FBF1: variants seen among roughly 807,000 people sequenced by gnomAD.
FBF1 encodes the protein fas-binding factor 1.
Under a neutral mutation model 147.2 loss-of-function variants are expected in FBF1, and 119 were observed. The ratio of observed to expected loss-of-function variants is 0.81; its 90% CI spans 0.70 to 0.94. FBF1 has a LOEUF of 0.94. FBF1 is among the 40% of genes least tolerant of loss of function. The pLI, the probability that FBF1 is intolerant of heterozygous loss-of-function variation, is 0.00. For missense variants in FBF1, 1,449 were observed against 1,500.8 expected, an observed-to-expected ratio of 0.97 and a Z score of 0.57; for synonymous variants, 601 against 609.0, an observed-to-expected ratio of 0.99 and a Z score of 0.19.
At chr17:75,931,044 G>A (rs942113928) in intron 6 of FBF1, among the ~76,000 whole-genome samples, 185 bp downstream of exon 6, 3 of 151,304 alleles carry the variant, frequency 2.0e-5, no homozygotes, top group Admixed American at 6.6e-5. Flanking sequence ...GCAGTGAGCC[G>A]AGATCACACC....
In FBF1 at chr17:75,914,445, G is replaced by A. The variant is rs917858039; in HGVS notation, c.2815-147C>T. On this transcript the variant is annotated intron_variant, in intron 25 of 29. Transcript: ENST00000636174. ...CCAGGGAGAGCCAGAGAAGCCTGGG[G>A]CCAAGCCGGAGTGCTGCCCTCACAA... 52 of 1,282,296 alleles carry A rather than the reference G, an allele frequency of 4.1e-5. No individual in the cohort carries two copies. The Middle Eastern group carries it at 8.1e-4, about 20-fold the overall frequency. The allele number at this position is 1,282,296 out of a possible 1,614,324, so 79.4% of individuals were successfully genotyped here. A position where few individuals can be genotyped will look rare whatever the true frequency, so the allele number is the denominator to read the frequency against.
Position 75,921,522 on chromosome 17 carries a change from G to T in FBF1, c.1565C>A (p.Pro522His). 1 of 1,613,252 alleles carries T rather than the reference G, an allele frequency of 6.2e-7. No individual in the cohort carries two copies. Residue 522 changes from proline to histidine, a missense_variant, in exon 16 of 30, where the codon CCT (proline) becomes CAT (histidine). By Grantham distance (77) the Pro-to-His change is moderately conservative. Transcript: ENST00000636174. ...VTQNHAASAL[P>H]TGSPKRGTAP... is the part of the protein sequence containing the mutation. ...TGTTCCCCTCTTTGGGGAACCTGTA[G>T]GGAGTGCTGAGGCGGCATGGTTCTG...
At chr17:75,937,331 C>T (rs888295040) in intron 3 of FBF1, among the ~76,000 whole-genome samples, 15 of 152,078 alleles carry the variant, frequency 9.9e-5, no homozygotes, top group Admixed American at 1.3e-4. Context: ...CCACCACGCC[C>T]GGCTAATTTT....
Position 75,918,202 on chromosome 17 carries a change from G to C in FBF1, c.2206C>G (p.Arg736Gly). ...QLQRLKLLKD[R>G]EVDAATSATS... is the part of the protein sequence containing the mutation. ...GCACTGGTGGCCGCATCGACCTCTC[G>C]GTCCTTCAGCAGCTTTAGCCGCTGC... is the stretch of plus-strand genomic sequence containing the variant. The change falls in exon 21 of 30, where the codon CGA becomes GGA. Residue 736 changes from arginine (R) to glycine (G), a missense_variant. Physicochemically the swap from Arg to Gly is moderately radical, Grantham distance 125. Transcript: ENST00000636174. This position sits in a 1 kb window ranked among gnomAD's most constrained non-coding sequence, Gnocchi z 5.8. The C allele has an allele frequency of 6.2e-7, 1 of 1,613,324 alleles. No homozygotes were observed. Among genetic ancestry groups the C allele is most frequent in the Non-Finnish European group, 8.5e-7 (1 of 1,179,846 alleles).
Position 75,926,040 on chromosome 17 carries a change from C to G in FBF1, c.858G>C (p.Gln286His). 1.9e-6 allele frequency: 3 copies of G among 1,611,070 alleles called. No individual in the cohort carries two copies. Among genetic ancestry groups the G allele is most frequent in the Non-Finnish European group, 2.5e-6 (3 of 1,179,348 alleles). Residue 286 changes from glutamine to histidine, a missense_variant, in exon 12 of 30, where the codon CAG becomes CAC. Coordinates refer to ENST00000636174, the MANE Select transcript of FBF1 (RefSeq NM_001319193.2). ...HREFKLDKKY[Q>H]RPQDSEDMWG... ...CGCAAGCCTCCTTACCCTGTGGCCTCTGGTACTTCTTGTCTAGCTTGAACT... is the reference window on the plus strand; with the variant it reads ...CGCAAGCCTCCTTACCCTGTGGCCTGTGGTACTTCTTGTCTAGCTTGAACT...
chr17:75,936,446 C>T (rs1489659005), intron 3 of FBF1, among the ~76,000 whole-genome samples: 2 of 152,032 alleles, frequency 1.3e-5, no homozygotes, highest in African/African-American at 4.8e-5. Flanking sequence ...GAGCCGAGAT[C>T]GCGCCACTGC....
At chr17:75,938,568 A>AG (rs2065639519) in intron 1 of FBF1, among the ~76,000 whole-genome samples, 1 of 151,170 alleles carries the variant, frequency 6.6e-6, no homozygotes, top group Non-Finnish European at 1.5e-5. Context: ...AAAAAAAAAA[A>AG]AAAAAAAAAG....
chr17:75,923,604 C>G lies in FBF1; in HGVS notation c.1006G>C (p.Glu336Gln). 1 of 1,610,298 alleles carries G rather than the reference C, an allele frequency of 6.2e-7. No individual in the cohort carries two copies. Among genetic ancestry groups the G allele is most frequent in the Non-Finnish European group, 8.5e-7 (1 of 1,178,710 alleles). The change falls in exon 14 of 30, where the codon GAA becomes CAA. Residue 336 changes from glutamate to glutamine, a missense_variant. Glu to Gln is a conservative substitution (Grantham distance 29). Transcript: ENST00000636174. This position sits in a 1 kb window ranked among gnomAD's most constrained non-coding sequence, Gnocchi z 4.1. ...FADSGADPKG[E>Q]PGSKQSPPMA... is the part of the protein sequence containing the mutation. ...GGAGGGCTCTGTTTGGAGCCTGGTT[C>G]TCCCTTGGGGTCTGCGCCACTGTCT...
chr17:75,919,159 G>A lies in FBF1; in HGVS notation c.2138+509C>T, dbSNP rs544229396. 2.0e-4 allele frequency among the ~76,000 whole-genome samples: 30 copies of A among 152,068 alleles called. No homozygotes were observed. The highest frequency in any genetic ancestry group is 1.3e-4 in the Admixed American group (2 of 15,254). ...TGGCCTCAAGTGATCCTCCCACCTC[G>A]GCCTCCCAAAGTGCTGGGATTACAG... On this transcript the variant is annotated intron_variant, in intron 20 of 29. Coordinates refer to ENST00000636174, the MANE Select transcript of FBF1 (RefSeq NM_001319193.2). This position sits in a 1 kb window ranked among gnomAD's most constrained non-coding sequence, Gnocchi z 5.0.
rs924308766 is a variant in FBF1, at chr17:75,920,082, G to A, written c.1856C>T (p.Ala619Val). 1 of 1,588,222 alleles carries A rather than the reference G, an allele frequency of 6.3e-7. No homozygotes were observed. The highest frequency in any genetic ancestry group is 8.6e-7 in the Non-Finnish European group (1 of 1,168,008). Residue 619 changes from alanine (A) to valine (V), a missense_variant, in exon 19 of 30, where the codon GCC (alanine) becomes GTC (valine). Coordinates refer to ENST00000636174, the MANE Select transcript of FBF1 (RefSeq NM_001319193.2). ...ACTCCCCAGCAGCAGCTCATGCTGG[G>A]CCCGTTCTAGCTCCAGCTTCCGCAC... ...AQVRKLELER[A>V]QHELLLGSLQ...
intron 4 of FBF1, 66 bp from the exon 5 acceptor site, chr17:75,933,154 C>A: frequency 1.6e-6 from 2 of 1,272,338 alleles, no homozygotes; most frequent in Non-Finnish European, 1.1e-6. Flanking sequence ...GATGCAAAGG[C>A]TGGCAAGCTC....
At chr17:75,929,964 C>CCCCCCCTT in intron 7 of FBF1, 33 bp downstream of exon 7, 2 of 1,402,200 alleles carry the variant, frequency 1.4e-6, no homozygotes, top group Non-Finnish European at 2.0e-6. Context: ...CACCCACCCC[C>CCCCCCCTT]AGTTCTAAGA....
At chr17:75,929,964 C>CCCCCCCCAA in intron 7 of FBF1, 33 bp downstream of exon 7, 3 of 1,402,198 alleles carry the variant, frequency 2.1e-6, no homozygotes, top group Non-Finnish European at 2.0e-6. Flanking sequence ...CACCCACCCC[C>CCCCCCCCAA]AGTTCTAAGA....
chr17:75,930,610 T>C (rs910770500), intron 6 of FBF1, among the ~76,000 whole-genome samples: 6 of 151,814 alleles, frequency 4.0e-5, no homozygotes, highest in African/African-American at 1.5e-4. Flanking sequence ...AAATACAAAA[T>C]TACCTACTAA....
Position 75,923,208 on chromosome 17 carries a change from C to T in FBF1, c.1402G>A (p.Ala468Thr), listed in dbSNP as rs771018542. 5.7e-6 allele frequency: 9 copies of T among 1,588,230 alleles called. No homozygotes were observed. Among genetic ancestry groups the T allele is most frequent in the Non-Finnish European group, 7.7e-6 (9 of 1,168,024 alleles). Residue 468 changes from alanine (A) to threonine (T), a missense_variant, in exon 14 of 30, where the codon GCG (alanine) becomes ACG (threonine). Ala to Thr is a moderately conservative substitution (Grantham distance 58, BLOSUM62 0). Coordinates refer to ENST00000636174, the MANE Select transcript of FBF1 (RefSeq NM_001319193.2). The surrounding 1 kb of genome is among the most constrained non-coding windows in gnomAD (Gnocchi z 4.1). Reference protein sequence around the residue: ...TSEGLHLAGTAGHPPSGSQPL... With the variant: ...TSEGLHLAGTTGHPPSGSQPL... ...TACCTGCCAGAAGGGGGATGGCCCG[C>T]TGTCCCCGCCAAATGCAGGCCCTCA...
intron 25 of FBF1, 108 bp from the exon 26 acceptor site, chr17:75,914,406 G>T: frequency 1.4e-6 from 2 of 1,443,342 alleles, no homozygotes; most frequent in Non-Finnish European, 1.8e-6. Context: ...AGGAGGTGGT[G>T]GAGCCAGGGG....
intron 2 of FBF1, 80 bp from the exon 3 acceptor site, chr17:75,937,673 G>A (rs1321791068): frequency 1.7e-5 from 25 of 1,470,102 alleles, no homozygotes; most frequent in East Asian, 4.5e-5. Context: ...AATGAATTGC[G>A]TTGCCTTTTG....
Position 75,935,628 on chromosome 17 carries a change from TTAC to T in FBF1, c.73+1_73+3del, listed in dbSNP as rs2065619760. 10 of 1,536,528 alleles carry T rather than the reference TTAC, an allele frequency of 6.5e-6. No individual in the cohort carries two copies. The highest frequency in any genetic ancestry group is 8.7e-6 in the Non-Finnish European group (10 of 1,146,654). On this transcript the variant is annotated splice_donor_variant and splice_donor_region_variant and intron_variant, in intron 4 of 29. Coordinates refer to ENST00000636174, the MANE Select transcript of FBF1 (RefSeq NM_001319193.2). LOFTEE classifies it high-confidence loss of function. The stretch of plus-strand genomic sequence containing the variant: ...TTAGGGGATTCTGGGCAAGGCACAC[TTAC>T]TATCATCCCCTAGAAGGTCACCAAG...
intron 1 of FBF1, among the ~76,000 whole-genome samples, chr17:75,940,163 G>A (rs906511144): frequency 1.3e-5 from 2 of 151,286 alleles, no homozygotes; most frequent in Non-Finnish European, 2.9e-5. Flanking sequence ...AGGAGGTCTC[G>A]AACTCCTGAC....
Sources: gnomAD v4.1 joint callset for allele counts (sites outside exome capture counted in the v4.1 genomes callset) on GRCh38, gnomAD v4.1.1 for gene constraint, Gnocchi (gnomAD v3.1) non-coding constraint, MANE v1.5 for transcripts, NCBI Gene and HGNC (gene_info 2026-07-23, HGNC 2026-07-21) for gene names.